The following GTF2IRD1 variants were observed in gnomAD, a reference collection of about 807,000 sequenced individuals.
GTF2IRD1 encodes general transcription factor II-I repeat domain-containing protein 1.
A neutral mutation model predicts 113.2 loss-of-function variants in GTF2IRD1; 26 were observed. The ratio of observed to expected loss-of-function variants is 0.23; its 90% confidence interval spans 0.17 to 0.32. GTF2IRD1 has a LOEUF of 0.32. GTF2IRD1 is among the 10% of genes least tolerant of loss of function. GTF2IRD1 has a pLI of 1.00. For synonymous variants in GTF2IRD1, 484 were observed against 529.1 expected, an observed-to-expected ratio of 0.91 and a Z score of 1.17; for missense variants, 864 against 1,280.8, an observed-to-expected ratio of 0.67 and a Z score of 4.97.
chr7:74,572,113 C>T (rs1022915764), intron 22 of GTF2IRD1, among the ~76,000 whole-genome samples: 6 of 152,150 alleles, frequency 3.9e-5, no homozygotes, highest in African/African-American at 1.2e-4. Flanking sequence ...TCTCCTGTCA[C>T]CCAGTGGGTG....
Position 74,518,206 on chromosome 7 carries a change from G to A in GTF2IRD1, c.489G>A (p.Leu163=), listed in dbSNP as rs1797064405. The change falls in exon 5 of 27, where the codon CTG becomes CTA. Residue 163 remains leucine, a synonymous_variant. Transcript: ENST00000424337. ...PYERLLREPG[L]LAVQGLPEGL... ...AGAGGCTGCTCAGGGAGCCAGGGCTGCTGGCCGTGCAGGGGCTGCCCGAAG... is the reference window on the plus strand; with the variant it reads ...AGAGGCTGCTCAGGGAGCCAGGGCTACTGGCCGTGCAGGGGCTGCCCGAAG... 3 of 1,610,882 alleles carry A rather than the reference G, an allele frequency of 1.9e-6. No homozygotes were observed. The highest frequency in any genetic ancestry group is 1.7e-5 in the Admixed American group (1 of 59,872).
intron 1 of GTF2IRD1, among the ~76,000 whole-genome samples, chr7:74,466,707 T>A (rs968266906): frequency 1.2e-4 from 19 of 152,070 alleles, no homozygotes; most frequent in Admixed American, 5.9e-4. Context: ...CTTGTCTGTG[T>A]CCCCAGCCAC....
At chr7:74,465,919 G>A (rs1055028582) in intron 1 of GTF2IRD1, among the ~76,000 whole-genome samples, 4 of 152,038 alleles carry the variant, frequency 2.6e-5, no homozygotes, top group African/African-American at 7.2e-5. Context: ...ACGGGCGCCC[G>A]CCACCATGCC....
intron 25 of GTF2IRD1, among the ~76,000 whole-genome samples, chr7:74,596,235 G>A (rs587654613): frequency 1.2e-4 from 18 of 152,216 alleles, no homozygotes; most frequent in Non-Finnish European, 2.2e-4. Context: ...GCTGAGGTGG[G>A]TGGATCACCT....
chr7:74,575,396 T>C (rs1800982221), intron 22 of GTF2IRD1, among the ~76,000 whole-genome samples: 1 of 152,114 alleles, frequency 6.6e-6, no homozygotes, highest in African/African-American at 2.4e-5. Flanking sequence ...AGATGGTACA[T>C]GGCCAGATAA....
intron 1 of GTF2IRD1, among the ~76,000 whole-genome samples, chr7:74,504,078 A>G (rs1333240452): frequency 5.3e-5 from 8 of 152,178 alleles, no homozygotes; most frequent in Non-Finnish European, 7.3e-5. Flanking sequence ...GTTGCCGCAA[A>G]GGACATGATT....
intron 1 of GTF2IRD1, among the ~76,000 whole-genome samples, chr7:74,481,216 G>A (rs113960069): frequency 7.2e-5 from 11 of 152,228 alleles, no homozygotes; most frequent in African/African-American, 2.2e-4. Flanking sequence ...GTGCAGTGGC[G>A]CAATCCCAGT....
chr7:74,468,851 A>C (rs1426231435), intron 1 of GTF2IRD1, among the ~76,000 whole-genome samples: 1 of 151,804 alleles, frequency 6.6e-6, no homozygotes, highest in South Asian at 2.1e-4. Flanking sequence ...TTGGGAGGCC[A>C]AGGCAGGCAG....
chr7:74,453,979 C>G lies in GTF2IRD1; in HGVS notation c.-204C>G, dbSNP rs1356062059. 4.7e-5 allele frequency: 7 copies of G among 148,242 alleles called. No individual in the cohort carries two copies. The East Asian group carries it at 1.2e-3, about 26-fold the overall frequency. 9.2% of individuals were successfully genotyped at this position (148,242 alleles called of 1,614,324 possible). A position where few individuals can be genotyped will look rare whatever the true frequency, so the allele number is the denominator to read the frequency against. ...GTGGGGGCCGCCGAGCGCCAGCCCC[C>G]CGGCCGGCCGATTCCCCCCCCGCGC... On this transcript the variant is annotated 5_prime_UTR_variant, in exon 1 of 27. Transcript: ENST00000424337.
intron 1 of GTF2IRD1, among the ~76,000 whole-genome samples, chr7:74,496,183 G>T (rs1795661131): frequency 6.6e-6 from 1 of 152,036 alleles, no homozygotes; most frequent in South Asian, 2.1e-4. Context: ...GTATGCATGT[G>T]AGTGGCTATG....
At chr7:74,518,493 A>G (rs1483197608) in intron 5 of GTF2IRD1, among the ~76,000 whole-genome samples, 171 bp downstream of exon 5, 3 of 152,218 alleles carry the variant, frequency 2.0e-5, no homozygotes, top group Admixed American at 6.5e-5. Context: ...GCGAAGTCAT[A>G]GAACAGGATC....
At chr7:74,522,243 T>TAA (rs1797340082) in intron 7 of GTF2IRD1, among the ~76,000 whole-genome samples, 1 of 145,462 alleles carries the variant, frequency 6.9e-6, no homozygotes, top group African/African-American at 2.8e-5. Flanking sequence ...AGTGATATAT[T>TAA]TAAAAAAAAA....
intron 19 of GTF2IRD1, 22 bp from the exon 20 acceptor site, chr7:74,557,617 A>T: frequency 6.3e-7 from 1 of 1,586,796 alleles, no homozygotes; most frequent in Non-Finnish European, 8.7e-7. Context: ...GCCCAAACCC[A>T]TAATCGTTTT....
chr7:74,536,122 G>T lies in GTF2IRD1; in HGVS notation c.1301-45G>T, dbSNP rs782081808. The T allele has an allele frequency of 4.2e-6, 5 of 1,203,682 alleles. No individual in the cohort carries two copies. The East Asian group carries it at 9.3e-5, about 22-fold the overall frequency. 74.6% of individuals were successfully genotyped at this position (1,203,682 alleles called of 1,614,324 possible). ...TTACCCAGGGGCTCTGCAGCAAGAG[G>T]AGGCCAGAGGGCCTTCACCCTGACC... On this transcript the variant is annotated intron_variant, in intron 10 of 26. Coordinates refer to ENST00000424337, the MANE Select transcript of GTF2IRD1 (RefSeq NM_005685.4).
At chr7:74,580,311 G>A (rs1468312620) in intron 22 of GTF2IRD1, among the ~76,000 whole-genome samples, 1 of 152,140 alleles carries the variant, frequency 6.6e-6, no homozygotes, top group Non-Finnish European at 1.5e-5. Flanking sequence ...CCACGCTTCT[G>A]CTACAGATCG....
At chr7:74,540,836 G>A (rs782549422) in intron 14 of GTF2IRD1, among the ~76,000 whole-genome samples, 3 of 151,772 alleles carry the variant, frequency 2.0e-5, no homozygotes, top group Admixed American at 1.3e-4. Flanking sequence ...GTGCAGTGGC[G>A]CGATCTCAGC....
At chr7:74,488,794 G>T (rs1348884950) in intron 1 of GTF2IRD1, among the ~76,000 whole-genome samples, 1 of 148,642 alleles carries the variant, frequency 6.7e-6, no homozygotes, top group South Asian at 2.2e-4. Flanking sequence ...CTCTAGTCCT[G>T]GGGGGGTAAA....
intron 22 of GTF2IRD1, among the ~76,000 whole-genome samples, chr7:74,568,419 C>T (rs587604344): frequency 2.0e-5 from 3 of 151,030 alleles, no homozygotes; most frequent in Non-Finnish European, 2.9e-5. Flanking sequence ...GAGGCCCAGG[C>T]GGGCAGATCA....
chr7:74,465,585 T>A (rs1193633350), intron 1 of GTF2IRD1, among the ~76,000 whole-genome samples: 1 of 152,148 alleles, frequency 6.6e-6, no homozygotes, highest in Admixed American at 6.6e-5. Flanking sequence ...CTAGCTGCCA[T>A]CTCAGTGAAG....
Sources: gnomAD v4.1 joint callset for allele counts (sites outside exome capture counted in the v4.1 genomes callset) on GRCh38, gnomAD v4.1.1 for gene constraint, MANE v1.5 for transcripts, NCBI Gene and HGNC (gene_info 2026-07-23, HGNC 2026-07-21) for gene names.